The following NEMP2 variants were observed in gnomAD, a reference collection of about 807,000 sequenced individuals.
NEMP2 encodes the protein nuclear envelope integral membrane protein 2, also known as UPF0571 transmembrane protein.
Under a neutral mutation model 54.2 loss-of-function variants are expected in NEMP2, and 53 were observed. The ratio of observed to expected loss-of-function variants is 0.98; its 90% CI spans 0.78 to 1.23. The LOEUF (loss-of-function observed/expected upper bound fraction) is 1.23. Among genes scored for constraint, NEMP2 ranks in the 50% most tolerant of loss-of-function variants. The pLI is 0.00. For synonymous variants in NEMP2, 197 were observed against 190.3 expected, an observed-to-expected ratio of 1.04 and a Z score of -0.29; for missense variants, 455 against 511.3, an observed-to-expected ratio of 0.89 and a Z score of 1.06.
In NEMP2 at chr2:190,508,622, G is replaced by C. The variant is rs1315346030; in HGVS notation, c.*567C>G. 2 of 152,370 alleles carry C rather than the reference G, an allele frequency of 1.3e-5. No individual in the cohort carries two copies. Among genetic ancestry groups the C allele is most frequent in the Non-Finnish European group, 2.9e-5 (2 of 68,154 alleles). 9.4% of individuals were successfully genotyped at this position (152,370 alleles called of 1,614,324 possible). On this transcript the variant is annotated 3_prime_UTR_variant, in exon 9 of 9. Coordinates refer to ENST00000409150, the MANE Select transcript of NEMP2 (RefSeq NM_001142645.2). This position sits in a 1 kb window ranked among gnomAD's most constrained non-coding sequence, Gnocchi z 4.3. ...TTTGGGAGATTCACAGTGCACACGAGCATTATGAATGCCTCTGAGAGATAC... is the reference window on the plus strand; with the variant it reads ...TTTGGGAGATTCACAGTGCACACGACCATTATGAATGCCTCTGAGAGATAC...
the NEMP2 span, among the ~76,000 whole-genome samples, chr2:190,456,249 T>A: frequency 6.6e-6 from 1 of 152,126 alleles, no homozygotes; most frequent in Admixed American, 6.5e-5. The surrounding 1 kb of genome is among the most constrained non-coding windows in gnomAD (Gnocchi z 5.4). Flanking sequence ...CCTGCTCTAC[T>A]TTTTTCCTTA....
At chr2:190,574,712 TTC>T in the NEMP2 span, among the ~76,000 whole-genome samples, 18 of 151,858 alleles carry the variant, frequency 1.2e-4, no homozygotes, top group East Asian at 2.7e-3. Context: ...TCTTTTTTCT[TTC>T]TCTTTCTTTC....
At chr2:190,534,727 CG>C, upstream of NEMP2, 3 of 1,141,466 alleles carry the variant, frequency 2.6e-6, no homozygotes, top group Non-Finnish European at 3.3e-6. Context: ...GGAAGTGGCG[CG>C]GGGGCTCAGA....
At chr2:190,460,441 A>G in the NEMP2 span, among the ~76,000 whole-genome samples, 1 of 152,322 alleles carries the variant, frequency 6.6e-6, no homozygotes, top group Middle Eastern at 3.4e-3. Flanking sequence ...TGCATAGTGT[A>G]TATCCCTAGC....
chr2:190,491,573 C>T, the NEMP2 span, among the ~76,000 whole-genome samples: 2 of 152,310 alleles, frequency 1.3e-5, no homozygotes, highest in African/African-American at 4.8e-5. The surrounding 1 kb of genome is among the most constrained non-coding windows in gnomAD (Gnocchi z 4.2). Flanking sequence ...ATCACTACAG[C>T]CTGGCTGTCA....
the NEMP2 span, among the ~76,000 whole-genome samples, chr2:190,617,970 A>G: frequency 6.6e-6 from 1 of 152,252 alleles, no homozygotes; most frequent in African/African-American, 2.4e-5. This position sits in a 1 kb window ranked among gnomAD's most constrained non-coding sequence, Gnocchi z 5.0. Flanking sequence ...GCTACTGCCC[A>G]TTCTTTAAAC....
chr2:190,486,358 AC>A, the NEMP2 span, among the ~76,000 whole-genome samples: 1 of 152,212 alleles, frequency 6.6e-6, no homozygotes, highest in Non-Finnish European at 1.5e-5. Context: ...TCTGCTGAAT[AC>A]GTTAGGGGAG....
At chr2:190,613,647 G>A in the NEMP2 span, among the ~76,000 whole-genome samples, 1 of 152,074 alleles carries the variant, frequency 6.6e-6, no homozygotes, top group African/African-American at 2.4e-5. Flanking sequence ...GAGTGCAAGT[G>A]GCAAGATCTT....
rs938222099 is a variant in NEMP2 at position 190,525,387 on chromosome 2, T to C, written c.98-9A>G. ...AGCTTTACACCTACGAACTGAGAGA[T>C]GGAAAAGGGAATGCATTTTCTAACT... is the stretch of plus-strand genomic sequence containing the variant. On this transcript the variant is annotated splice_polypyrimidine_tract_variant and intron_variant, in intron 1 of 8. Transcript: ENST00000409150. This position sits in a 1 kb window ranked among gnomAD's most constrained non-coding sequence, Gnocchi z 5.0. 2.7e-6 allele frequency: 4 copies of C among 1,456,330 alleles called. No homozygotes were observed. Among genetic ancestry groups the C allele is most frequent in the Non-Finnish European group, 3.8e-6 (4 of 1,066,364 alleles). The allele number at this position is 1,456,330 out of a possible 1,614,324, so 90.2% of individuals were successfully genotyped here. A position where few individuals can be genotyped will look rare whatever the true frequency, so the allele number is the denominator to read the frequency against.
At chr2:190,642,215 G>T in the NEMP2 span, among the ~76,000 whole-genome samples, 2 of 151,930 alleles carry the variant, frequency 1.3e-5, no homozygotes, top group African/African-American at 2.4e-5. This position sits in a 1 kb window ranked among gnomAD's most constrained non-coding sequence, Gnocchi z 4.1. Context: ...TTTTTTTTTT[G>T]TTGTTGTTGT....
the NEMP2 span, among the ~76,000 whole-genome samples, chr2:190,643,333 A>G: frequency 6.6e-6 from 1 of 152,158 alleles, no homozygotes; most frequent in East Asian, 1.9e-4. Context: ...GCTCACAGTG[A>G]TCTTCAAGGA....
At chr2:190,464,697 T>C in the NEMP2 span, 1 of 160,184 alleles carries the variant, frequency 6.2e-6, no homozygotes, top group Non-Finnish European at 1.3e-5. Context: ...TCCTGTGTGG[T>C]CCCATTGCAC....
chr2:190,576,558 G>A, the NEMP2 span, among the ~76,000 whole-genome samples: 1 of 142,774 alleles, frequency 7.0e-6, no homozygotes, highest in Non-Finnish European at 1.5e-5. Flanking sequence ...GTATCTTAAT[G>A]TATCCCTGAA....
the NEMP2 span, among the ~76,000 whole-genome samples, chr2:190,603,860 T>C: frequency 1.3e-5 from 2 of 152,064 alleles, no homozygotes; most frequent in Non-Finnish European, 2.9e-5. Context: ...GTATGTTTTC[T>C]GTGTTCCTAC....
chr2:190,600,473 T>C, the NEMP2 span, among the ~76,000 whole-genome samples: 1 of 152,200 alleles, frequency 6.6e-6, no homozygotes, highest in South Asian at 2.1e-4. The surrounding 1 kb of genome is among the most constrained non-coding windows in gnomAD (Gnocchi z 4.9). Context: ...TTGGGAGGTG[T>C]GGCATAGTGT....
At chr2:190,473,112 G>C in the NEMP2 span, among the ~76,000 whole-genome samples, 51 of 152,122 alleles carry the variant, frequency 3.4e-4, no homozygotes, top group Non-Finnish European at 6.5e-4. Context: ...GGAACAACCG[G>C]TACCAGCTAC....
the NEMP2 span, among the ~76,000 whole-genome samples, chr2:190,635,292 C>T: frequency 1.3e-5 from 2 of 152,232 alleles, no homozygotes; most frequent in African/African-American, 2.4e-5. This position sits in a 1 kb window ranked among gnomAD's most constrained non-coding sequence, Gnocchi z 4.1. Flanking sequence ...TCATAGCTCA[C>T]TGCAGCCTAC....
At chr2:190,479,976 A>G in the NEMP2 span, among the ~76,000 whole-genome samples, 1 of 152,174 alleles carries the variant, frequency 6.6e-6, no homozygotes. Flanking sequence ...CAGCCTGGGC[A>G]ACCTAGGGAG....
chr2:190,427,063 A>T, the NEMP2 span, among the ~76,000 whole-genome samples: 1 of 152,204 alleles, frequency 6.6e-6, no homozygotes, highest in Non-Finnish European at 1.5e-5. Context: ...ATTGAGAGTG[A>T]GGGGTGGACC....
Sources: gnomAD v4.1 joint callset for allele counts (sites outside exome capture counted in the v4.1 genomes callset) on GRCh38, gnomAD v4.1.1 for gene constraint, Gnocchi (gnomAD v3.1) non-coding constraint, MANE v1.5 for transcripts, NCBI Gene and HGNC (gene_info 2026-07-23, HGNC 2026-07-21) for gene names.